Variants in MAN2B2 observed in about 807,000 individuals in gnomAD.
The protein encoded by MAN2B2 is epididymis-specific alpha-mannosidase.
Under a neutral mutation model 117.1 loss-of-function variants are expected in MAN2B2, and 106 were observed. The ratio of observed to expected loss-of-function variants is 0.90; its 90% confidence interval spans 0.77 to 1.06. MAN2B2 has a LOEUF of 1.06. Ranked by LOEUF, MAN2B2 falls within the 50% of genes least tolerant of loss-of-function variation. The pLI is 0.00. For synonymous variants in MAN2B2, 544 were observed against 595.1 expected (o/e 0.91, Z 1.25); for missense variants, 1,326 against 1,381.4 (o/e 0.96, Z 0.64).
intron 15 of MAN2B2, 35 bp from the exon 16 acceptor site, chr4:6,614,183 A>G (rs750758398): frequency 1.2e-6 from 2 of 1,605,648 alleles, no homozygotes; most frequent in Non-Finnish European, 1.7e-6. Context: ...GTTGAGCCCC[A>G]AACCCTCTCC....
At chr4:6,615,614 T>C (rs1410124095) in intron 16 of MAN2B2, among the ~76,000 whole-genome samples, 1 of 151,554 alleles carries the variant, frequency 6.6e-6, no homozygotes, top group East Asian at 2.0e-4. Context: ...CTGGGCAACA[T>C]AGCTAGACTC....
In MAN2B2 at chr4:6,589,259, G is replaced by A. The variant is rs533177194; in HGVS notation, c.680+99G>A. On this transcript the variant is annotated intron_variant, in intron 5 of 18. Coordinates refer to ENST00000285599, the MANE Select transcript of MAN2B2 (RefSeq NM_015274.3). The stretch of plus-strand genomic sequence containing the variant: ...TTTTGTTTTTGTTTATTGGTTTTAA[G>A]ACAAGAGCTTCTGCTCTGTTGCCCA... The A allele has an allele frequency of 6.5e-6, 6 of 922,424 alleles. No homozygotes were observed. In the African/African-American group the frequency reaches 9.9e-5, roughly 15 times the overall value. 57.1% of individuals were successfully genotyped at this position (922,424 alleles called of 1,614,324 possible). A position where few individuals can be genotyped will look rare whatever the true frequency, so the allele number is the denominator to read the frequency against.
chr4:6,575,290 T>A lies in MAN2B2; in HGVS notation c.80T>A (p.Ile27Asn). The change falls in exon 1 of 19, where the codon ATC (isoleucine) becomes AAC (asparagine). Residue 27 changes from isoleucine to asparagine, a missense_variant. Ile to Asn is a moderately radical substitution (Grantham distance 149). Coordinates refer to ENST00000285599, the MANE Select transcript of MAN2B2 (RefSeq NM_015274.3). ...RPPGVQSAGP[I>N]RAFVVPHSHM... is the part of the protein sequence containing the mutation. ...CCAGGGGTCCAGTCCGCCGGCCCCA[T>A]CCGGGCCTTCGTGGTGCCCCACAGC... 1 of 1,569,194 alleles carries A rather than the reference T, an allele frequency of 6.4e-7. No homozygotes were observed. Among genetic ancestry groups the A allele is most frequent in the Non-Finnish European group, 8.6e-7 (1 of 1,163,280 alleles).
At chr4:6,593,884 A>G (rs762146601) in intron 6 of MAN2B2, among the ~76,000 whole-genome samples, 36 of 152,102 alleles carry the variant, frequency 2.4e-4, no homozygotes, top group Non-Finnish European at 2.8e-4. Context: ...AGTTGAGGAA[A>G]CCAAGGCCCA....
chr4:6,579,306 A>G (rs1577270186), intron 3 of MAN2B2, among the ~76,000 whole-genome samples: 1 of 111,822 alleles, frequency 8.9e-6, no homozygotes, highest in African/African-American at 3.5e-5. Context: ...CACCATCACC[A>G]CCACCACCAC....
chr4:6,602,059 C>T (rs886293208), intron 10 of MAN2B2, among the ~76,000 whole-genome samples: 4 of 152,220 alleles, frequency 2.6e-5, no homozygotes, highest in African/African-American at 9.6e-5. Flanking sequence ...CCCTCATGCA[C>T]TCGGAGGCCT....
At chr4:6,619,632 G>A (rs182056864) in intron 17 of MAN2B2, 454 of 328,102 alleles carry the variant, frequency 1.4e-3, no homozygotes, top group African/African-American at 9.0e-3. Context: ...GGAGAACTCC[G>A]CGGTGGGGTG....
Position 6,621,184 on chromosome 4 carries a change from C to G in MAN2B2, c.2933-4C>G, listed in dbSNP as rs758002380. ...CACTGGACAGATCACCTCTGTTCCCCTAGGTGACACCACCTCTCCCTCGAG... is the reference window on the plus strand; with the variant it reads ...CACTGGACAGATCACCTCTGTTCCCGTAGGTGACACCACCTCTCCCTCGAG... On this transcript the variant is annotated splice_polypyrimidine_tract_variant and splice_region_variant and intron_variant, in intron 18 of 18. Coordinates refer to ENST00000285599, the MANE Select transcript of MAN2B2 (RefSeq NM_015274.3). The G allele has an allele frequency of 6.2e-7, 1 of 1,608,736 alleles. No individual in the cohort carries two copies. The highest frequency in any genetic ancestry group is 1.7e-5 in the Admixed American group (1 of 59,992).
At chr4:6,617,572 A>G in intron 17 of MAN2B2, 80 bp downstream of exon 17, 1 of 1,573,598 alleles carries the variant, frequency 6.4e-7, no homozygotes, top group Non-Finnish European at 8.6e-7. Context: ...GCCTTGGCAA[A>G]GAGATCCACG....
intron 3 of MAN2B2, among the ~76,000 whole-genome samples, chr4:6,582,114 GC>G (rs1442571335): frequency 6.6e-6 from 1 of 152,030 alleles, no homozygotes; most frequent in Non-Finnish European, 1.5e-5. Context: ...CCTCAGAGGT[GC>G]TGAGAGGCAA....
intron 11 of MAN2B2, 34 bp downstream of exon 11, chr4:6,605,363 G>A (rs971390202): frequency 1.5e-5 from 24 of 1,578,892 alleles, no homozygotes; most frequent in Non-Finnish European, 2.0e-5. Flanking sequence ...CTGAGGCACA[G>A]GCATGCCTGG....
At chr4:6,620,312 C>G in intron 18 of MAN2B2, 1 of 352,738 alleles carries the variant, frequency 2.8e-6, no homozygotes, top group Non-Finnish European at 5.3e-6. Context: ...TGCCTGTGCC[C>G]TGGGTGACAG....
intron 3 of MAN2B2, among the ~76,000 whole-genome samples, chr4:6,580,114 A>T (rs11726918): frequency 2.5e-4 from 38 of 152,106 alleles, no homozygotes; most frequent in Non-Finnish European, 5.2e-4. Flanking sequence ...CCCTTTTCTC[A>T]TCTGTAATCT....
chr4:6,583,343 C>T (rs921577541), intron 3 of MAN2B2, among the ~76,000 whole-genome samples: 1 of 152,172 alleles, frequency 6.6e-6, no homozygotes, highest in African/African-American at 2.4e-5. Context: ...TGACCTCTAC[C>T]AGTTGCAAAG....
At chr4:6,595,949 C>T (rs1200224339) in intron 7 of MAN2B2, among the ~76,000 whole-genome samples, 3 of 152,180 alleles carry the variant, frequency 2.0e-5, no homozygotes, top group Non-Finnish European at 2.9e-5. Flanking sequence ...GCTGCACACA[C>T]GGGTTGGGGG....
intron 10 of MAN2B2, among the ~76,000 whole-genome samples, chr4:6,604,662 C>G (rs189127466): frequency 4.5e-4 from 68 of 151,962 alleles, no homozygotes; most frequent in Non-Finnish European, 1.0e-4. Flanking sequence ...TTGACATCCA[C>G]GTGGAGGCGT....
chr4:6,598,445 A>G (rs972603314), intron 9 of MAN2B2, 91 bp downstream of exon 9: 28 of 1,376,914 alleles, frequency 2.0e-5, no homozygotes, highest in Non-Finnish European at 2.7e-5. Context: ...CCAGCTTCAG[A>G]CTCTGAGTCC....
intron 7 of MAN2B2, among the ~76,000 whole-genome samples, chr4:6,595,069 C>G (rs1727024240): frequency 6.6e-6 from 1 of 152,224 alleles, no homozygotes; most frequent in Non-Finnish European, 1.5e-5. Context: ...CCACATAAAC[C>G]TCTTCTACGA....
intron 11 of MAN2B2, among the ~76,000 whole-genome samples, chr4:6,608,824 AG>A (rs1416518391): frequency 2.0e-5 from 3 of 152,092 alleles, no homozygotes; most frequent in Non-Finnish European, 4.4e-5. Flanking sequence ...AGCCTGGGTG[AG>A]CCAGTTCCAT....
Sources: allele counts gnomAD v4.1 joint callset (sites outside exome capture counted in the v4.1 genomes callset), GRCh38; gene constraint gnomAD v4.1.1; transcripts MANE v1.5; gene names NCBI Gene and HGNC (gene_info 2026-07-23, HGNC 2026-07-21).